The following IKZF3 variants were observed in gnomAD, a reference collection of about 807,000 sequenced individuals.
IKZF3 encodes the protein IKAROS family zinc finger 3.
Under a neutral mutation model 49.0 loss-of-function variants are expected in IKZF3, and 10 were observed. The observed-to-expected ratio is 0.20, with a 90% CI of 0.13 to 0.35. IKZF3 has a LOEUF of 0.35. IKZF3 is among the 10% of genes least tolerant of loss of function. The pLI is 1.00. For missense variants in IKZF3, 498 were observed against 664.8 expected (o/e 0.75, Z 2.76); for synonymous variants, 209 against 228.2 (o/e 0.92, Z 0.76).
chr17:39,841,633 T>C (rs924468841), intron 1 of IKZF3, among the ~76,000 whole-genome samples: 12 of 151,998 alleles, frequency 7.9e-5, no homozygotes, highest in African/African-American at 2.9e-4. Context: ...AATAAGTAAA[T>C]ATAATAAGGA....
chr17:39,778,127 T>A, intron 6 of IKZF3: 14 of 1,003,430 alleles, frequency 1.4e-5, no homozygotes, highest in Non-Finnish European at 1.7e-5. Flanking sequence ...AGTAACTGCG[T>A]GTGACACCTG....
At chr17:39,778,043 G>A in intron 6 of IKZF3, 1 of 1,079,250 alleles carries the variant, frequency 9.3e-7, no homozygotes, top group Non-Finnish European at 1.1e-6. Context: ...TAAATAAACA[G>A]CCTGGACGTG....
At chr17:39,792,566 A>G (rs1001695704) in intron 4 of IKZF3, 107 bp downstream of exon 4, 8 of 1,155,898 alleles carry the variant, frequency 6.9e-6, no homozygotes, top group Non-Finnish European at 9.8e-6. Flanking sequence ...TCAGCATTAT[A>G]GCAAAAATCA....
At chr17:39,808,836 G>T (rs1215946298) in intron 3 of IKZF3, among the ~76,000 whole-genome samples, 3 of 152,186 alleles carry the variant, frequency 2.0e-5, no homozygotes, top group African/African-American at 4.8e-5. Context: ...GAGAGTTCTG[G>T]GCTCCAAGTA....
chr17:39,784,314 A>G (rs796600746), intron 6 of IKZF3, among the ~76,000 whole-genome samples: 10 of 152,196 alleles, frequency 6.6e-5, no homozygotes, highest in African/African-American at 2.2e-4. Flanking sequence ...TTCTTTTCAT[A>G]TATACTCCAT....
At chr17:39,850,525 A>ATGTACATATAGTATATAGCC (rs2062797240) in intron 1 of IKZF3, among the ~76,000 whole-genome samples, 7 of 125,014 alleles carry the variant, frequency 5.6e-5, no homozygotes, top group African/African-American at 2.1e-4. Flanking sequence ...CATATTATAC[A>ATGTACATATAGTATATAGCC]TATTATACAT....
rs2061042854 is a variant in IKZF3, at chr17:39,792,240, T to C, written c.424+433A>G. ...GTATGCATTTCTATAGACTACCTGTTTATTGTCTGAAGATACATTATTTTA... is the reference window on the plus strand; with the variant it reads ...GTATGCATTTCTATAGACTACCTGTCTATTGTCTGAAGATACATTATTTTA... On this transcript the variant is annotated intron_variant, in intron 4 of 7. Transcript: ENST00000346872. 3.9e-5 allele frequency among the ~76,000 whole-genome samples: 6 copies of C among 152,202 alleles called. No homozygotes were observed. The South Asian group carries it at 1.2e-3, about 31-fold the overall frequency.
At chr17:39,828,928 G>C (rs562582789) in intron 3 of IKZF3, among the ~76,000 whole-genome samples, 1 of 152,204 alleles carries the variant, frequency 6.6e-6, no homozygotes, top group Admixed American at 6.5e-5. Context: ...TAAAACATGG[G>C]AGGCGGAGGT....
intron 7 of IKZF3, among the ~76,000 whole-genome samples, chr17:39,768,613 C>T (rs996008142): frequency 2.6e-5 from 4 of 152,092 alleles, no homozygotes; most frequent in African/African-American, 9.7e-5. Context: ...ACCTATGTTC[C>T]GTGTCCTCAT....
At chr17:39,854,364 G>A (rs2062977690) in intron 1 of IKZF3, among the ~76,000 whole-genome samples, 1 of 150,002 alleles carries the variant, frequency 6.7e-6, no homozygotes, top group Non-Finnish European at 1.5e-5. Flanking sequence ...AGGAAATAAA[G>A]CCATGGATCA....
intron 3 of IKZF3, among the ~76,000 whole-genome samples, chr17:39,805,080 G>A (rs1358695707): frequency 6.6e-6 from 1 of 152,032 alleles, no homozygotes; most frequent in Non-Finnish European, 1.5e-5. Flanking sequence ...TTTCTTCTCC[G>A]CTTTTCCTAT....
At chr17:39,766,835 A>C (rs2060306431) in intron 7 of IKZF3, among the ~76,000 whole-genome samples, 1 of 152,134 alleles carries the variant, frequency 6.6e-6, no homozygotes, top group Admixed American at 6.5e-5. Flanking sequence ...GGGACAAGGG[A>C]GCCACCAGCC....
At chr17:39,816,858 CAT>C (rs1245662209) in intron 3 of IKZF3, among the ~76,000 whole-genome samples, 3 of 152,164 alleles carry the variant, frequency 2.0e-5, no homozygotes, top group Non-Finnish European at 4.4e-5. Context: ...GGATTACAGG[CAT>C]GCGCCACCAC....
intron 1 of IKZF3, among the ~76,000 whole-genome samples, chr17:39,836,923 A>G (rs1412682536): frequency 6.6e-6 from 1 of 152,096 alleles, no homozygotes; most frequent in African/African-American, 2.4e-5. Context: ...CATATTTAAC[A>G]TTTCTGGTGC....
chr17:39,780,259 A>G (rs1174639459), intron 6 of IKZF3, among the ~76,000 whole-genome samples: 1 of 151,206 alleles, frequency 6.6e-6, no homozygotes, highest in Non-Finnish European at 1.5e-5. Context: ...AAAAAAAAAA[A>G]GCCCCAAAGT....
At chr17:39,790,891 A>AT (rs1255059172) in intron 5 of IKZF3, among the ~76,000 whole-genome samples, 1 of 149,262 alleles carries the variant, frequency 6.7e-6, no homozygotes, top group Non-Finnish European at 1.5e-5. Flanking sequence ...CCTCATGTTT[A>AT]TTTAAAAAAA....
At chr17:39,788,753 T>C (rs2060934488) in intron 5 of IKZF3, among the ~76,000 whole-genome samples, 1 of 152,206 alleles carries the variant, frequency 6.6e-6, no homozygotes, top group South Asian at 2.1e-4. Context: ...GGATTCTTTA[T>C]TTTGGACATC....
intron 7 of IKZF3, among the ~76,000 whole-genome samples, chr17:39,771,482 T>C (rs2060441605): frequency 6.6e-6 from 1 of 152,174 alleles, no homozygotes; most frequent in Admixed American, 6.5e-5. Context: ...TAATGCTACA[T>C]GGTAGAACAA....
At chr17:39,767,335 C>T (rs1227501485) in intron 7 of IKZF3, among the ~76,000 whole-genome samples, 1 of 152,102 alleles carries the variant, frequency 6.6e-6, no homozygotes, top group East Asian at 1.9e-4. Flanking sequence ...AGTTTAGCCA[C>T]CTTCAGAGTG....
Sources: gnomAD v4.1 joint callset for allele counts (sites outside exome capture counted in the v4.1 genomes callset) on GRCh38, gnomAD v4.1.1 for gene constraint, MANE v1.5 for transcripts, NCBI Gene and HGNC (gene_info 2026-07-23, HGNC 2026-07-21) for gene names.